Variants in DDX60 observed in about 807,000 individuals in gnomAD.
DDX60 encodes the protein probable ATP-dependent RNA helicase DDX60.
Under a neutral mutation model 212.8 loss-of-function variants are expected in DDX60, and 165 were observed. The ratio of observed to expected loss-of-function variants is 0.78; its 90% CI spans 0.68 to 0.88. The LOEUF (loss-of-function observed/expected upper bound fraction) is 0.88. Ranked by LOEUF, DDX60 falls within the 40% of genes least tolerant of loss-of-function variation. The pLI is 0.00. For missense variants in DDX60, 1,905 were observed against 2,003.9 expected, an observed-to-expected ratio of 0.95 and a Z score of 0.94; for synonymous variants, 703 against 685.3, an observed-to-expected ratio of 1.03 and a Z score of -0.40.
chr4:168,302,342 T>C lies in DDX60; in HGVS notation c.681A>G (p.Ala227=). Residue 227 remains alanine, a synonymous_variant, in exon 6 of 38, where the codon GCA becomes GCG. Coordinates refer to ENST00000393743, the MANE Select transcript of DDX60 (RefSeq NM_017631.6). ...TCCATTTTAAACTTCCAAAAAGAGGTGCTAATGCTGAAAGCTTAAATCTTT... is the reference window on the plus strand; with the variant it reads ...TCCATTTTAAACTTCCAAAAAGAGGCGCTAATGCTGAAAGCTTAAATCTTT... The part of the protein sequence containing the change: ...QLERFKLSAL[A]PLFGSLKWNN... 6.3e-7 allele frequency: 1 copy of C among 1,590,636 alleles called. No individual in the cohort carries two copies. Among genetic ancestry groups the C allele is most frequent in the Non-Finnish European group, 8.6e-7 (1 of 1,167,304 alleles).
rs1467459419 is a variant in DDX60, at chr4:168,262,686, G to A, written c.3141C>T (p.Ala1047=). 3.8e-6 allele frequency: 6 copies of A among 1,599,936 alleles called. No individual in the cohort carries two copies. The highest frequency in any genetic ancestry group is 1.7e-5 in the Admixed American group (1 of 59,522). ...MFQIWKSWPR[A]QELCPENFIH... is the part of the protein sequence containing the mutation. The stretch of plus-strand genomic sequence containing the variant: ...TAATTACATCATTATTATTTACCTG[G>A]GCCCGAGGCCAACTTTTCCAAATTT... The change falls in exon 23 of 38, where the codon GCC becomes GCT. Residue 1047 remains alanine, a synonymous_variant. Coordinates refer to ENST00000393743, the MANE Select transcript of DDX60 (RefSeq NM_017631.6).
intron 33 of DDX60, among the ~76,000 whole-genome samples, chr4:168,235,088 C>T (rs1238829745): frequency 6.6e-6 from 1 of 152,084 alleles, no homozygotes; most frequent in Admixed American, 6.6e-5. Flanking sequence ...GAGGGGGATA[C>T]AAGCCTACCT....
chr4:168,262,522 AAAAC>A (rs964735823), intron 23 of DDX60, among the ~76,000 whole-genome samples, 157 bp downstream of exon 23: 3 of 152,316 alleles, frequency 2.0e-5, no homozygotes, highest in Non-Finnish European at 2.9e-5. Flanking sequence ...AACCCATTAA[AAAAC>A]AAACAGATAA....
At chr4:168,261,115 A>T in intron 24 of DDX60, 126 bp from the exon 25 acceptor site, 2 of 993,246 alleles carry the variant, frequency 2.0e-6, no homozygotes, top group South Asian at 3.2e-5. Flanking sequence ...TAGTCCTATG[A>T]AAGTACATTA....
chr4:168,316,797 A>G (rs763661468), intron 1 of DDX60, among the ~76,000 whole-genome samples: 6 of 152,076 alleles, frequency 3.9e-5, no homozygotes, highest in Non-Finnish European at 8.8e-5. Flanking sequence ...CAGCCAAAAA[A>G]AAAAGAAACC....
intron 37 of DDX60, among the ~76,000 whole-genome samples, chr4:168,219,749 C>T (rs562027907): frequency 1.3e-5 from 2 of 152,156 alleles, no homozygotes; most frequent in Non-Finnish European, 2.9e-5. Context: ...GAAAGATGGA[C>T]ATTTAGGCCA....
chr4:168,310,480 T>C (rs1387414613), intron 3 of DDX60, among the ~76,000 whole-genome samples: 1 of 152,188 alleles, frequency 6.6e-6, no homozygotes, highest in African/African-American at 2.4e-5. Flanking sequence ...AGGCAAGCCT[T>C]TGAAGGCATG....
At chr4:168,292,732 T>C (rs1736164968) in intron 7 of DDX60, among the ~76,000 whole-genome samples, 1 of 152,218 alleles carries the variant, frequency 6.6e-6, no homozygotes, top group African/African-American at 2.4e-5. Context: ...AAGAACGTCA[T>C]AGCTATCTTC....
At position 168,237,750 on chromosome 4, in the gene DDX60, T is replaced by C. The variant is rs1207765507; in HGVS notation, c.4210A>G (p.Arg1404Gly). 2 of 1,611,918 alleles carry C rather than the reference T, an allele frequency of 1.2e-6. No homozygotes were observed. Among genetic ancestry groups the C allele is most frequent in the Admixed American group, 1.7e-5 (1 of 59,884 alleles). The change falls in exon 31 of 38, where the codon AGA (arginine) becomes GGA (glycine). Residue 1404 changes from arginine (R) to glycine (G), a missense_variant. Coordinates refer to ENST00000393743, the MANE Select transcript of DDX60 (RefSeq NM_017631.6). ...TAAAGTTTTAACATGTCCATGACTCTGGGTTGCTTGAAGGACAGCAATGAA... is the reference window on the plus strand; with the variant it reads ...TAAAGTTTTAACATGTCCATGACTCCGGGTTGCTTGAAGGACAGCAATGAA... ...KHSLLSFKQP[R>G]VMDMLKLYFL...
At chr4:168,276,313 C>A in intron 14 of DDX60, 132 bp from the exon 15 acceptor site, 2 of 636,976 alleles carry the variant, frequency 3.1e-6, no homozygotes, top group Non-Finnish European at 5.1e-6. Flanking sequence ...GTAGAAAGGA[C>A]CAAATAAAGT....
In DDX60 at chr4:168,295,680, C is replaced by T. The variant is rs1736310948; in HGVS notation, c.724-1735G>A. ...AATTCAGCTGAAGTTTTTCTTTTAACAGTATTTCGAAGGTATATCTGCACT... is the reference window on the plus strand; with the variant it reads ...AATTCAGCTGAAGTTTTTCTTTTAATAGTATTTCGAAGGTATATCTGCACT... On this transcript the variant is annotated intron_variant, in intron 6 of 37. Transcript: ENST00000393743. Among the ~76,000 whole-genome samples, 3 of 152,248 alleles carry T rather than the reference C, an allele frequency of 2.0e-5. No homozygotes were observed. The South Asian group carries it at 6.2e-4, about 32-fold the overall frequency.
chr4:168,258,784 C>T, intron 25 of DDX60, among the ~76,000 whole-genome samples: 1 of 152,178 alleles, frequency 6.6e-6, no homozygotes, highest in Middle Eastern at 3.4e-3. Flanking sequence ...GAAAAAACAG[C>T]AGGGTCAAGA....
intron 10 of DDX60, among the ~76,000 whole-genome samples, 195 bp from the exon 11 acceptor site, chr4:168,285,693 C>A (rs1050327339): frequency 6.0e-5 from 9 of 149,690 alleles, no homozygotes; most frequent in African/African-American, 2.2e-4. Flanking sequence ...TATAAAGAAT[C>A]AGACAGCATT....
chr4:168,303,601 T>C (rs1393595711), intron 5 of DDX60, among the ~76,000 whole-genome samples: 4 of 152,232 alleles, frequency 2.6e-5, no homozygotes, highest in Admixed American at 1.3e-4. Context: ...AGTGATGTCA[T>C]AGTGATGTCA....
rs80298707 is a variant in DDX60 at position 168,284,945 on chromosome 4, A to C, written c.1446-10T>G. The C allele has an allele frequency of 7.4e-7, 1 of 1,342,508 alleles. No homozygotes were observed. Among genetic ancestry groups the C allele is most frequent in the Non-Finnish European group, 1.0e-6 (1 of 960,304 alleles). The allele number at this position is 1,342,508 out of a possible 1,614,324, so 83.2% of individuals were successfully genotyped here. A position where few individuals can be genotyped will look rare whatever the true frequency, so the allele number is the denominator to read the frequency against. ...AACAATAGGATCATCACTGTGAGAC[A>C]AAAAAAGGCATATTTTAAATTGCAC... On this transcript the variant is annotated splice_polypyrimidine_tract_variant and intron_variant, in intron 11 of 37. Transcript: ENST00000393743.
At chr4:168,287,348 T>C (rs1735905123) in intron 9 of DDX60, 145 bp from the exon 10 acceptor site, 2 of 690,654 alleles carry the variant, frequency 2.9e-6, no homozygotes, top group Admixed American at 3.2e-5. Context: ...TGGACATAAA[T>C]GAAAATGGTC....
At chr4:168,272,974 T>G (rs187728088) in intron 18 of DDX60, among the ~76,000 whole-genome samples, 2 of 152,342 alleles carry the variant, frequency 1.3e-5, no homozygotes, top group Non-Finnish European at 1.5e-5. Flanking sequence ...AAAATTGAGA[T>G]TTGTTAATTT....
chr4:168,254,453 T>G (rs918937317), intron 26 of DDX60, among the ~76,000 whole-genome samples: 17 of 152,164 alleles, frequency 1.1e-4, no homozygotes, highest in Admixed American at 1.1e-3. Flanking sequence ...GCTCTAGAAT[T>G]TGGAAAACCT....
At chr4:168,291,715 C>T (rs754732345) in intron 8 of DDX60, 33 bp downstream of exon 8, 72 of 1,490,658 alleles carry the variant, frequency 4.8e-5, no homozygotes, top group Non-Finnish European at 6.0e-5. Context: ...ATTCAAAACA[C>T]AAAAATAGTA....
Sources: gnomAD v4.1 joint callset for allele counts (sites outside exome capture counted in the v4.1 genomes callset) on GRCh38, gnomAD v4.1.1 for gene constraint, MANE v1.5 for transcripts, NCBI Gene and HGNC (gene_info 2026-07-23, HGNC 2026-07-21) for gene names.